NEURL1B: variants seen among roughly 807,000 people sequenced by gnomAD.
NEURL1B encodes E3 ubiquitin-protein ligase NEURL1B.
In NEURL1B, 13 loss-of-function variants were observed where a neutral mutation model predicts 37.4. That is an observed-to-expected ratio of 0.35 (90% CI 0.23 to 0.55). The LOEUF is 0.55. NEURL1B is among the 20% of genes least tolerant of loss of function. The probability of loss-of-function intolerance (pLI) is 0.89; values close to 1 mark genes in which losing one functional copy is unlikely to be tolerated. For missense variants in NEURL1B, 790 were observed against 879.2 expected (o/e 0.90, Z 1.28); for synonymous variants, 432 against 426.6 (o/e 1.01, Z -0.16).
intron 1 of NEURL1B, among the ~76,000 whole-genome samples, chr5:172,658,111 A>G (rs1196867869): frequency 6.6e-6 from 1 of 151,798 alleles, no homozygotes; most frequent in Non-Finnish European, 1.5e-5. Context: ...TATGCAATAA[A>G]TATCAGTGCA....
At position 172,675,584 on chromosome 5, in the gene NEURL1B, G is replaced by C. The variant is rs1276177911; in HGVS notation, c.577+5254G>C. ...TTTTCGCTGAATTTAGCAGTTCCTG[G>C]AGCCAGGAGAGGAAGCTTCTGCCAG... On this transcript the variant is annotated intron_variant, in intron 2 of 4. Coordinates refer to ENST00000369800, the MANE Select transcript of NEURL1B (RefSeq NM_001142651.3). This position sits in a 1 kb window ranked among gnomAD's most constrained non-coding sequence, Gnocchi z 4.7. Among the ~76,000 whole-genome samples the C allele has an allele frequency of 1.3e-5, 2 of 150,034 alleles. No individual in the cohort carries two copies. The highest frequency in any genetic ancestry group is 2.5e-5 in the African/African-American group (1 of 40,364).
In NEURL1B at chr5:172,687,369, A is replaced by T. The variant is rs1581443098; in HGVS notation, c.*444A>T. On this transcript the variant is annotated 3_prime_UTR_variant, in exon 5 of 5. Transcript: ENST00000369800. ...TCCCGGCTCCGGGAGGAGACGTGCA[A>T]TCCGGAGCCCCGACATTGGCATGAC... The T allele has an allele frequency of 6.1e-6, 1 of 165,264 alleles. No individual in the cohort carries two copies. Among genetic ancestry groups the T allele is most frequent in the South Asian group, 1.7e-4 (1 of 5,718 alleles). 10.2% of individuals were successfully genotyped at this position (165,264 alleles called of 1,614,324 possible).
At chr5:172,673,745 C>T (rs4868196) in intron 2 of NEURL1B, among the ~76,000 whole-genome samples, 1 of 147,506 alleles carries the variant, frequency 6.8e-6, no homozygotes, top group Admixed American at 6.8e-5. Flanking sequence ...ACCACAGGCT[C>T]ATGCCTGGCT....
chr5:172,656,728 C>T, intron 1 of NEURL1B: 1 of 1,025,188 alleles, frequency 9.8e-7, no homozygotes, highest in Non-Finnish European at 1.5e-6. Flanking sequence ...CCTGCCGCCG[C>T]TTCCCCAGAA....
intron 2 of NEURL1B, among the ~76,000 whole-genome samples, chr5:172,671,399 T>G (rs1168280749): frequency 2.0e-5 from 3 of 152,120 alleles, no homozygotes; most frequent in African/African-American, 7.2e-5. Context: ...GATCTAAAGG[T>G]TTGCAGGTGT....
At chr5:172,652,434 A>G (rs1222847959) in intron 1 of NEURL1B, among the ~76,000 whole-genome samples, 2 of 152,240 alleles carry the variant, frequency 1.3e-5, no homozygotes, top group African/African-American at 4.8e-5. Flanking sequence ...GCATCTTGGT[A>G]TTCTGTCTAA....
At chr5:172,652,659 T>C (rs1371721705) in intron 1 of NEURL1B, among the ~76,000 whole-genome samples, 1 of 152,224 alleles carries the variant, frequency 6.6e-6, no homozygotes, top group Admixed American at 6.5e-5. Context: ...CCAGATTAAA[T>C]GGTCCTAATT....
At chr5:172,678,467 C>A (rs897883953) in intron 2 of NEURL1B, among the ~76,000 whole-genome samples, 9 of 152,212 alleles carry the variant, frequency 5.9e-5, no homozygotes, top group Non-Finnish European at 1.0e-4. Context: ...TGCTCGGACA[C>A]AACTCTTGAA....
In NEURL1B at chr5:172,687,091, C is replaced by A; in HGVS notation, c.*166C>A. On this transcript the variant is annotated 3_prime_UTR_variant, in exon 5 of 5. Transcript: ENST00000369800. ...GAGGCCCACAGGGCCTCAGCCCAGGCAGGGGTTGCTTCTGGCTCCAAAGTG... is the reference window on the plus strand; with the variant it reads ...GAGGCCCACAGGGCCTCAGCCCAGGAAGGGGTTGCTTCTGGCTCCAAAGTG... The A allele has an allele frequency of 1.2e-6, 1 of 820,380 alleles. No individual in the cohort carries two copies. Among genetic ancestry groups the A allele is most frequent in the Non-Finnish European group, 1.8e-6 (1 of 542,286 alleles). 50.8% of individuals were successfully genotyped at this position (820,380 alleles called of 1,614,324 possible).
Position 172,665,599 on chromosome 5 carries a change from C to T in NEURL1B, c.32-4186C>T, listed in dbSNP as rs1002494529. On this transcript the variant is annotated intron_variant, in intron 1 of 4. Coordinates refer to ENST00000369800, the MANE Select transcript of NEURL1B (RefSeq NM_001142651.3). This position sits in a 1 kb window ranked among gnomAD's most constrained non-coding sequence, Gnocchi z 4.1. ...TCAGGGCCTTCCCACCTGGTTCCTG[C>T]GGTGTCTGCAGCACCCTCGCCCTCA... is the stretch of plus-strand genomic sequence containing the variant. Among the ~76,000 whole-genome samples, 7 of 152,202 alleles carry T rather than the reference C, an allele frequency of 4.6e-5. No individual in the cohort carries two copies. The highest frequency in any genetic ancestry group is 1.9e-4 in the East Asian group (1 of 5,196).
chr5:172,663,872 G>A (rs1249569355), intron 1 of NEURL1B, among the ~76,000 whole-genome samples: 2 of 66,788 alleles, frequency 3.0e-5, no homozygotes, highest in Non-Finnish European at 7.4e-5. Context: ...CAGTGACAGG[G>A]TATCTGTATG....
Position 172,686,834 on chromosome 5 carries a change from G to A in NEURL1B, c.1577G>A (p.Ser526Asn), listed in dbSNP as rs1004087074. 46 of 1,551,344 alleles carry A rather than the reference G, an allele frequency of 3.0e-5. No individual in the cohort carries two copies. Among genetic ancestry groups the A allele is most frequent in the Admixed American group, 9.8e-5 (5 of 51,032 alleles). Residue 526 changes from serine to asparagine, a missense_variant, in exon 5 of 5, where the codon AGC becomes AAC. Around this residue, in one of 3 missense-constraint regions of NEURL1B, gnomAD observed 115 missense variants for 162.6 expected, o/e 0.71. Transcript: ENST00000369800. The surrounding 1 kb of genome is among the most constrained non-coding windows in gnomAD (Gnocchi z 7.9). ...YTCGHMCLCH[S>N]CGLRLKRQAR... ...TGTGGACACATGTGCCTGTGCCACA[G>A]CTGCGGCCTGCGGCTCAAGCGACAG...
chr5:172,655,232 C>T (rs555712127), intron 1 of NEURL1B, among the ~76,000 whole-genome samples: 22 of 152,174 alleles, frequency 1.4e-4, no homozygotes, highest in Non-Finnish European at 2.6e-4. Context: ...TTGCCTGTCC[C>T]GGAAGTCTCA....
Position 172,641,451 on chromosome 5 carries a change from C to A in NEURL1B, c.31+14C>A. ...GGACCCTGCCAGGTACGCCGGGGAGCCCTGCCCGGGAGGCGGGCGCCGGGC... is the reference window on the plus strand; with the variant it reads ...GGACCCTGCCAGGTACGCCGGGGAGACCTGCCCGGGAGGCGGGCGCCGGGC... On this transcript the variant is annotated intron_variant, in intron 1 of 4. Coordinates refer to ENST00000369800, the MANE Select transcript of NEURL1B (RefSeq NM_001142651.3). The surrounding 1 kb of genome is among the most constrained non-coding windows in gnomAD (Gnocchi z 6.4). 7.6e-7 allele frequency: 1 copy of A among 1,315,752 alleles called. No homozygotes were observed. 81.5% of individuals were successfully genotyped at this position (1,315,752 alleles called of 1,614,324 possible).
Position 172,686,581 on chromosome 5 carries a change from C to G in NEURL1B, c.1424-100C>G. 1 of 1,338,364 alleles carries G rather than the reference C, an allele frequency of 7.5e-7. No individual in the cohort carries two copies. Among genetic ancestry groups the G allele is most frequent in the Non-Finnish European group, 1.0e-6 (1 of 982,190 alleles). 82.9% of individuals were successfully genotyped at this position (1,338,364 alleles called of 1,614,324 possible). A position where few individuals can be genotyped will look rare whatever the true frequency, so the allele number is the denominator to read the frequency against. ...TTAGTATCTCCCAAAAGTATTCTCCCACCGGTCCCAGCAAGAAGCCCTGCA... is the reference window on the plus strand; with the variant it reads ...TTAGTATCTCCCAAAAGTATTCTCCGACCGGTCCCAGCAAGAAGCCCTGCA... On this transcript the variant is annotated intron_variant, in intron 4 of 4. Coordinates refer to ENST00000369800, the MANE Select transcript of NEURL1B (RefSeq NM_001142651.3). The surrounding 1 kb of genome is among the most constrained non-coding windows in gnomAD (Gnocchi z 7.9).
Position 172,691,287 on chromosome 5 carries a change from C to G in NEURL1B, c.*4362C>G, listed in dbSNP as rs896682282. 4 of 152,138 alleles carry G rather than the reference C, an allele frequency of 2.6e-5. No individual in the cohort carries two copies. The highest frequency in any genetic ancestry group is 9.7e-5 in the African/African-American group (4 of 41,410). 9.4% of individuals were successfully genotyped at this position (152,138 alleles called of 1,614,324 possible). On this transcript the variant is annotated 3_prime_UTR_variant, in exon 5 of 5. Transcript: ENST00000369800. ...ACATCCCCCACCCCACACACCACTA[C>G]CTGTGTACAGACCTTTTAAAACATG...
rs148918313 is a variant in NEURL1B at position 172,679,386 on chromosome 5, C to G, written c.578-4033C>G. 3.3e-4 allele frequency among the ~76,000 whole-genome samples: 51 copies of G among 152,326 alleles called. No homozygotes were observed. The East Asian group carries it at 6.0e-3, about 18-fold the overall frequency. The stretch of plus-strand genomic sequence containing the variant: ...TATGGAGCTGCGTCTAGCAGGCGCT[C>G]GAGAACGTGGTTATGTGTGTACTTG... On this transcript the variant is annotated intron_variant, in intron 2 of 4. Coordinates refer to ENST00000369800, the MANE Select transcript of NEURL1B (RefSeq NM_001142651.3).
At chr5:172,664,244 T>C (rs935560643) in intron 1 of NEURL1B, among the ~76,000 whole-genome samples, 1 of 152,172 alleles carries the variant, frequency 6.6e-6, no homozygotes, top group Non-Finnish European at 1.5e-5. Flanking sequence ...ATCTCAACGC[T>C]GCCCCCTTGC....
At chr5:172,679,891 C>A (rs913238281) in intron 2 of NEURL1B, among the ~76,000 whole-genome samples, 1 of 152,174 alleles carries the variant, frequency 6.6e-6, no homozygotes, top group African/African-American at 2.4e-5. Context: ...AGCTCTGTCA[C>A]TCCCCAGCTG....
Sources: allele counts gnomAD v4.1 joint callset (sites outside exome capture counted in the v4.1 genomes callset), GRCh38; gene constraint gnomAD v4.1.1; regional missense constraint gnomAD v4.1.1; non-coding constraint Gnocchi (gnomAD v3.1); transcripts MANE v1.5; gene names NCBI Gene and HGNC (gene_info 2026-07-23, HGNC 2026-07-21).